ACTR1A: variants seen among roughly 807,000 people sequenced by gnomAD.
ACTR1A encodes the protein alpha-centractin.
A neutral mutation model predicts 50.7 loss-of-function variants in ACTR1A; 10 were observed. The ratio of observed to expected loss-of-function variants is 0.20; its 90% CI spans 0.12 to 0.33. The LOEUF is 0.33. ACTR1A is among the 10% of genes least tolerant of loss of function. ACTR1A has a pLI of 1.00. For synonymous variants in ACTR1A, 177 were observed against 184.2 expected, an observed-to-expected ratio of 0.96 and a Z score of 0.32; for missense variants, 253 against 491.7, an observed-to-expected ratio of 0.51 and a Z score of 4.59.
chr10:102,484,996 G>A (rs1003743968), intron 5 of ACTR1A, among the ~76,000 whole-genome samples: 11 of 152,312 alleles, frequency 7.2e-5, no homozygotes, highest in African/African-American at 2.4e-4. Context: ...ATGTGTGCCC[G>A]ACCTTCCCAG....
intron 1 of ACTR1A, among the ~76,000 whole-genome samples, chr10:102,498,635 ATT>A (rs762412530): frequency 4.1e-5 from 6 of 144,606 alleles, no homozygotes; most frequent in Non-Finnish European, 3.1e-5. Flanking sequence ...AGCCTGGCTA[ATT>A]TTTTTTTTTT....
rs1182391299 is a variant in ACTR1A, at chr10:102,486,873, T to C, written c.316-1140A>G. ...CGATCTTGGCTTACTGCAACCTCGATGCCCCCAGGCTCAAGCAGTCCTCCC... is the reference window on the plus strand; with the variant it reads ...CGATCTTGGCTTACTGCAACCTCGACGCCCCCAGGCTCAAGCAGTCCTCCC... On this transcript the variant is annotated intron_variant, in intron 4 of 10. Coordinates refer to ENST00000369905, the MANE Select transcript of ACTR1A (RefSeq NM_005736.4). Among the ~76,000 whole-genome samples the C allele has an allele frequency of 2.0e-5, 3 of 151,368 alleles. No homozygotes were observed. In the East Asian group the frequency reaches 5.8e-4, roughly 29 times the overall value.
At chr10:102,499,068 A>C (rs979053022) in intron 1 of ACTR1A, among the ~76,000 whole-genome samples, 1 of 152,138 alleles carries the variant, frequency 6.6e-6, no homozygotes, top group Non-Finnish European at 1.5e-5. Flanking sequence ...AGACGTGGTC[A>C]CAATTGTCTT....
At position 102,488,426 on chromosome 10, in the gene ACTR1A, G is replaced by C. The variant is rs893754037; in HGVS notation, c.190-151C>G. On this transcript the variant is annotated intron_variant, in intron 3 of 10. Coordinates refer to ENST00000369905, the MANE Select transcript of ACTR1A (RefSeq NM_005736.4). This position sits in a 1 kb window ranked among gnomAD's most constrained non-coding sequence, Gnocchi z 4.4. The stretch of plus-strand genomic sequence containing the variant: ...CTGTCCTTGCCCAGGGCTAAGGGTG[G>C]GCACTCATTCTCCAAGGCTAAATAC... 4 of 1,141,214 alleles carry C rather than the reference G, an allele frequency of 3.5e-6. No individual in the cohort carries two copies. Among genetic ancestry groups the C allele is most frequent in the Non-Finnish European group, 4.9e-6 (4 of 809,976 alleles). 70.7% of individuals were successfully genotyped at this position (1,141,214 alleles called of 1,614,324 possible).
chr10:102,481,705 G>A, intron 9 of ACTR1A, 132 bp downstream of exon 9: 1 of 1,055,928 alleles, frequency 9.5e-7, no homozygotes, highest in Non-Finnish European at 1.4e-6. Flanking sequence ...TGTACAGGCT[G>A]GGAACCTGGC....
intron 1 of ACTR1A, among the ~76,000 whole-genome samples, chr10:102,491,618 G>A (rs1466530053): frequency 1.3e-5 from 2 of 152,128 alleles, no homozygotes; most frequent in Non-Finnish European, 1.5e-5. Context: ...TTGGTATGTC[G>A]AGTGAGGTGT....
intron 1 of ACTR1A, among the ~76,000 whole-genome samples, chr10:102,498,968 T>C (rs975544347): frequency 1.3e-5 from 2 of 152,098 alleles, no homozygotes; most frequent in Admixed American, 1.3e-4. Flanking sequence ...ACCTATCACT[T>C]TATTGTTGTC....
intron 5 of ACTR1A, among the ~76,000 whole-genome samples, chr10:102,485,086 T>C (rs1174103709): frequency 1.3e-5 from 2 of 152,218 alleles, no homozygotes; most frequent in African/African-American, 4.8e-5. Flanking sequence ...GGCTCACAGT[T>C]TGTTAATGGG....
At chr10:102,499,395 C>G (rs1392691411) in intron 1 of ACTR1A, among the ~76,000 whole-genome samples, 1 of 152,098 alleles carries the variant, frequency 6.6e-6, no homozygotes, top group Non-Finnish European at 1.5e-5. Flanking sequence ...AGGAAAATGA[C>G]TTAAGTTTCT....
At chr10:102,492,574 A>G (rs1360094260) in intron 1 of ACTR1A, among the ~76,000 whole-genome samples, 1 of 152,144 alleles carries the variant, frequency 6.6e-6, no homozygotes, top group Non-Finnish European at 1.5e-5. Context: ...GGTTATCTGC[A>G]CCAAAGGCTT....
At chr10:102,492,302 C>T (rs963419803) in intron 1 of ACTR1A, among the ~76,000 whole-genome samples, 10 of 151,916 alleles carry the variant, frequency 6.6e-5, no homozygotes, top group Admixed American at 5.9e-4. Flanking sequence ...AACTCCTGAC[C>T]TTGTGATCCA....
At chr10:102,502,519 G>C in intron 1 of ACTR1A, 81 bp downstream of exon 1, 1 of 1,502,140 alleles carries the variant, frequency 6.7e-7, no homozygotes, top group South Asian at 1.1e-5. Flanking sequence ...AAGAGCCGGC[G>C]GCTCAGGCTG....
At position 102,489,057 on chromosome 10, in the gene ACTR1A, A is replaced by T. The variant is rs2062180995; in HGVS notation, c.189+6T>A. ...TTAAGGCTTGTTCTGTAGGCCTGGG[A>T]ATTACCTCAGCTTTGGGGCCAATGA... is the stretch of plus-strand genomic sequence containing the variant. On this transcript the variant is annotated splice_donor_region_variant and intron_variant, in intron 3 of 10. Transcript: ENST00000369905. 5 of 1,559,346 alleles carry T rather than the reference A, an allele frequency of 3.2e-6. No individual in the cohort carries two copies. Among genetic ancestry groups the T allele is most frequent in the Non-Finnish European group, 4.3e-6 (5 of 1,151,712 alleles).
At chr10:102,493,001 C>CAAAAAAAAAAAAAAA (rs398014648) in intron 1 of ACTR1A, among the ~76,000 whole-genome samples, 646 of 48,882 alleles carry the variant, frequency 0.013, 80 homozygotes, top group African/African-American at 0.029. Flanking sequence ...GACTCCACCT[C>CAAAAAAAAAAAAAAA]AAAAAAAAAA....
chr10:102,488,487 G>A lies in ACTR1A; in HGVS notation c.190-212C>T, dbSNP rs930786294. Reference sequence around the variant, plus strand: ...AAACTGCCCTCATTCCCGAGGAGCCGGCAAAGCAGGGGCTTCTGCATTTCC... The same window carrying A: ...AAACTGCCCTCATTCCCGAGGAGCCAGCAAAGCAGGGGCTTCTGCATTTCC... On this transcript the variant is annotated intron_variant, in intron 3 of 10. Coordinates refer to ENST00000369905, the MANE Select transcript of ACTR1A (RefSeq NM_005736.4). The surrounding 1 kb of genome is among the most constrained non-coding windows in gnomAD (Gnocchi z 4.4). 9.9e-5 allele frequency among the ~76,000 whole-genome samples: 15 copies of A among 152,194 alleles called. No homozygotes were observed. Among genetic ancestry groups the A allele is most frequent in the East Asian group, 1.9e-4 (1 of 5,194 alleles).
In ACTR1A at chr10:102,482,772, T is replaced by G. The variant is rs559565009; in HGVS notation, c.750+239A>C. On this transcript the variant is annotated intron_variant, in intron 7 of 10. Coordinates refer to ENST00000369905, the MANE Select transcript of ACTR1A (RefSeq NM_005736.4). This position sits in a 1 kb window ranked among gnomAD's most constrained non-coding sequence, Gnocchi z 5.6. Reference sequence around the variant, plus strand: ...AATATACACTAACACTAATGACAGCTGCTGAGCTAAAAAAAAAAATTGCAA... The same window carrying G: ...AATATACACTAACACTAATGACAGCGGCTGAGCTAAAAAAAAAAATTGCAA... The G allele has an allele frequency of 3.7e-6, 2 of 535,170 alleles. No homozygotes were observed. The highest frequency in any genetic ancestry group is 6.6e-6 in the Non-Finnish European group (2 of 301,670). 33.2% of individuals were successfully genotyped at this position (535,170 alleles called of 1,614,324 possible). A position where few individuals can be genotyped will look rare whatever the true frequency, so the allele number is the denominator to read the frequency against.
chr10:102,482,961 A>C lies in ACTR1A; in HGVS notation c.750+50T>G. 2.0e-6 allele frequency: 3 copies of C among 1,465,252 alleles called. No individual in the cohort carries two copies. Among genetic ancestry groups the C allele is most frequent in the Non-Finnish European group, 2.9e-6 (3 of 1,045,382 alleles). 90.8% of individuals were successfully genotyped at this position (1,465,252 alleles called of 1,614,324 possible). A position where few individuals can be genotyped will look rare whatever the true frequency, so the allele number is the denominator to read the frequency against. On this transcript the variant is annotated intron_variant, in intron 7 of 10. Coordinates refer to ENST00000369905, the MANE Select transcript of ACTR1A (RefSeq NM_005736.4). This position sits in a 1 kb window ranked among gnomAD's most constrained non-coding sequence, Gnocchi z 5.6. ...CTGATGGAGAATTCTGGTTGGGCCC[A>C]GAGCTTTTGTGGACCTAAGGGGACC...
chr10:102,502,233 T>A (rs2062259427), intron 1 of ACTR1A, among the ~76,000 whole-genome samples: 1 of 151,904 alleles, frequency 6.6e-6, no homozygotes, highest in South Asian at 2.1e-4. Context: ...CCGGCAAGGC[T>A]AAGAGGCGGT....
intron 1 of ACTR1A, among the ~76,000 whole-genome samples, chr10:102,498,425 C>T (rs567444429): frequency 6.6e-6 from 1 of 151,992 alleles, no homozygotes; most frequent in East Asian, 1.9e-4. Context: ...GCATTTAGGT[C>T]CATATAGTCA....
Sources: gnomAD v4.1 joint callset for allele counts (sites outside exome capture counted in the v4.1 genomes callset) on GRCh38, gnomAD v4.1.1 for gene constraint, Gnocchi (gnomAD v3.1) non-coding constraint, MANE v1.5 for transcripts, NCBI Gene and HGNC (gene_info 2026-07-23, HGNC 2026-07-21) for gene names.